The following ZNF91 variants were observed in gnomAD, a reference collection of about 807,000 sequenced individuals.
ZNF91 encodes the protein zinc finger protein 91, also known as zinc finger protein 91 (HPF7, HTF10).
A neutral mutation model predicts 12.6 loss-of-function variants in ZNF91; 7 were observed. That is an observed-to-expected ratio of 0.55 (90% CI 0.31 to 1.04). The LOEUF (loss-of-function observed/expected upper bound fraction) is 1.04, where lower values mean the gene tolerates loss of function less well. ZNF91 is among the 50% of genes least tolerant of loss of function. ZNF91 has a pLI of 0.05. For missense variants in ZNF91, 1,217 were observed against 1,385.4 expected (o/e 0.88, Z 1.93); for synonymous variants, 453 against 462.6 (o/e 0.98, Z 0.27).
chr19:23,372,041 G>A (rs966397496), intron 3 of ZNF91, among the ~76,000 whole-genome samples: 11 of 152,072 alleles, frequency 7.2e-5, no homozygotes, highest in South Asian at 2.1e-4. Context: ...TTTAGTTACA[G>A]GCTGACAAAA....
At chr19:23,340,183 A>C (rs941540952) in intron 3 of ZNF91, 2 of 152,154 alleles carry the variant, frequency 1.3e-5, no homozygotes, top group African/African-American at 4.8e-5. Context: ...GGAAATAAAT[A>C]AAAATCAGAA....
Position 23,361,136 on chromosome 19 carries a change from A to G in ZNF91, c.1843T>C (p.Ser615Pro), listed in dbSNP as rs1410039790. 1 of 1,613,730 alleles carries G rather than the reference A, an allele frequency of 6.2e-7. No individual in the cohort carries two copies. Among genetic ancestry groups the G allele is most frequent in the East Asian group, 2.2e-5 (1 of 44,820 alleles). Residue 615 changes from serine to proline, a missense_variant, in exon 4 of 4, where the codon TCA (serine) becomes CCA (proline). Ser to Pro is a moderately conservative substitution (Grantham distance 74). Coordinates refer to ENST00000300619, the MANE Select transcript of ZNF91 (RefSeq NM_003430.4). ...ATCCTCTTATGTCTTCTTAGGGTTG[A>G]GGACCATAGAAATGCTTTGCCACAT... ...EECGKAFLWSSTLRRHKRIHT... is the reference protein window; with the variant it reads ...EECGKAFLWSPTLRRHKRIHT...
At position 23,373,759 on chromosome 19, in the gene ZNF91, A is replaced by G. The variant is rs200627969; in HGVS notation, c.236T>C (p.Met79Thr). 6.2e-7 allele frequency: 1 copy of G among 1,610,156 alleles called. No homozygotes were observed. Among genetic ancestry groups the G allele is most frequent in the African/African-American group, 1.3e-5 (1 of 74,818 alleles). The change falls in exon 3 of 4, where the codon ATG (methionine) becomes ACG (threonine). Residue 79 changes from methionine (M) to threonine (T), a missense_variant. Coordinates refer to ENST00000300619, the MANE Select transcript of ZNF91 (RefSeq NM_003430.4). ...KEPWNMKQHEMVDEPTGICPH... is the reference protein window; with the variant it reads ...KEPWNMKQHETVDEPTGICPH... Reference sequence around the variant, plus strand: ...TCACCTACCTGTGGGTTCATCCACCATCTCATGTTGCTTCATATTCCAGGG... The same window carrying G: ...TCACCTACCTGTGGGTTCATCCACCGTCTCATGTTGCTTCATATTCCAGGG...
In ZNF91 at chr19:23,366,238, C is replaced by T. The variant is rs575011454; in HGVS notation, c.254-3513G>A. 2.8e-3 allele frequency among the ~76,000 whole-genome samples: 422 copies of T among 151,274 alleles called. 3 individuals are homozygous for T. Among genetic ancestry groups the T allele is most frequent in the African/African-American group, 9.6e-3 (398 of 41,258 alleles). ...CTCCCAGATGGGGCGGCTGGCCGGG[C>T]GGGGGGCTGACCCCCATACCTCCCT... On this transcript the variant is annotated intron_variant, in intron 3 of 3. Coordinates refer to ENST00000300619, the MANE Select transcript of ZNF91 (RefSeq NM_003430.4).
chr19:23,360,353 G>A lies in ZNF91; in HGVS notation c.2626C>T (p.His876Tyr), dbSNP rs1324916289. Residue 876 changes from histidine (H) to tyrosine (Y), a missense_variant, in exon 4 of 4, where the codon CAT (histidine) becomes TAT (tyrosine). Physicochemically the swap from His to Tyr is moderately conservative, Grantham distance 83 (BLOSUM62 2). Transcript: ENST00000300619. ...CTCTTGGAAGGTTTCTCTTTAGTAT[G>A]AATTATCTTATGTGTCGTAAGATTT... Reference protein sequence around the residue: ...SSNLTTHKIIHTKEKPSKSEE... With the variant: ...SSNLTTHKIIYTKEKPSKSEE... 6.2e-7 allele frequency: 1 copy of A among 1,613,972 alleles called. No individual in the cohort carries two copies. The highest frequency in any genetic ancestry group is 1.1e-5 in the South Asian group (1 of 91,078).
downstream of ZNF91, among the ~76,000 whole-genome samples, chr19:23,355,371 C>T (rs1047107423): frequency 5.3e-5 from 8 of 152,086 alleles, 1 homozygote; most frequent in Non-Finnish European, 1.0e-4. Flanking sequence ...ACCCTTTCAA[C>T]AAATGGTTCT....
At chr19:23,394,956 A>G (rs1373566176) in intron 1 of ZNF91, among the ~76,000 whole-genome samples, 2 of 152,126 alleles carry the variant, frequency 1.3e-5, no homozygotes, top group African/African-American at 4.8e-5. Context: ...AGGCCCTGGG[A>G]ACCCCACGGA....
chr19:23,389,747 T>C (rs530769861), intron 1 of ZNF91, among the ~76,000 whole-genome samples: 1 of 152,254 alleles, frequency 6.6e-6, no homozygotes, highest in African/African-American at 2.4e-5. Flanking sequence ...CTGTAGAGTT[T>C]GCTAAACACC....
At chr19:23,312,190 C>A (rs1967482529), upstream of ZNF91, among the ~76,000 whole-genome samples, 1 of 152,154 alleles carries the variant, frequency 6.6e-6, no homozygotes, top group African/African-American at 2.4e-5. Context: ...TGGTCACTGC[C>A]CTCAGAGACG....
At chr19:23,370,450 T>C (rs1289177178) in intron 3 of ZNF91, among the ~76,000 whole-genome samples, 1 of 152,238 alleles carries the variant, frequency 6.6e-6, no homozygotes, top group African/African-American at 2.4e-5. Flanking sequence ...AGATGTAAAA[T>C]TTCTAGAAGT....
chr19:23,329,655 C>G (rs1331838944), intron 1 of ZNF91, among the ~76,000 whole-genome samples: 1 of 152,160 alleles, frequency 6.6e-6, no homozygotes, highest in Non-Finnish European at 1.5e-5. Flanking sequence ...ATTTGTCTAG[C>G]CAGCATTTAA....
chr19:23,368,970 T>A lies in ZNF91; in HGVS notation c.253+4772A>T, dbSNP rs296079. Among the ~76,000 whole-genome samples the A allele has an allele frequency of 0.012, 1,844 of 152,118 alleles. 155 individuals are homozygous for A. The East Asian group carries it at 0.24, about 20-fold the overall frequency. ...AATCCCCTCACACCCACTTAAATGG[T>A]CACTATCCATTTTTTAAAAGCACCA... On this transcript the variant is annotated intron_variant, in intron 3 of 3. Coordinates refer to ENST00000300619, the MANE Select transcript of ZNF91 (RefSeq NM_003430.4).
At chr19:23,356,961 G>A (rs955052596), downstream of ZNF91, among the ~76,000 whole-genome samples, 3 of 151,978 alleles carry the variant, frequency 2.0e-5, no homozygotes, top group South Asian at 2.1e-4. Flanking sequence ...CAGGCGAGGC[G>A]GCTCACGCCT....
intron 1 of ZNF91, among the ~76,000 whole-genome samples, chr19:23,317,716 C>G (rs1207882374): frequency 6.6e-6 from 1 of 152,174 alleles, no homozygotes; most frequent in Non-Finnish European, 1.5e-5. Context: ...CACAGGTAGG[C>G]TGGTGACTCT....
chr19:23,374,172 A>G (rs982585326), intron 2 of ZNF91, among the ~76,000 whole-genome samples: 14 of 152,220 alleles, frequency 9.2e-5, no homozygotes, highest in African/African-American at 3.1e-4. Context: ...GGTCAAGATG[A>G]AACATCTTGA....
chr19:23,351,613 G>T (rs188060448), intron 3 of ZNF91, among the ~76,000 whole-genome samples: 1 of 152,244 alleles, frequency 6.6e-6, no homozygotes, highest in African/African-American at 2.4e-5. Flanking sequence ...GAACAGTTTT[G>T]ACCTGGGACA....
At chr19:23,341,562 G>A (rs981145857) in intron 3 of ZNF91, among the ~76,000 whole-genome samples, 5 of 151,844 alleles carry the variant, frequency 3.3e-5, no homozygotes, top group Admixed American at 3.3e-4. Flanking sequence ...ACTAAAAAAT[G>A]GTTGAAAGAG....
intron 1 of ZNF91, among the ~76,000 whole-genome samples, chr19:23,383,190 A>G (rs1969775145): frequency 6.6e-6 from 1 of 152,226 alleles, no homozygotes; most frequent in South Asian, 2.1e-4. Flanking sequence ...TTCAACATAC[A>G]CAAATTAATA....
chr19:23,372,111 C>T (rs1336710147), intron 3 of ZNF91, among the ~76,000 whole-genome samples: 1 of 152,048 alleles, frequency 6.6e-6, no homozygotes, highest in Non-Finnish European at 1.5e-5. Context: ...CTAACTCACA[C>T]ACAACATGTA....
Sources: gnomAD v4.1 joint callset for allele counts (sites outside exome capture counted in the v4.1 genomes callset) on GRCh38, gnomAD v4.1.1 for gene constraint, MANE v1.5 for transcripts, NCBI Gene and HGNC (gene_info 2026-07-23, HGNC 2026-07-21) for gene names.